Variants in BNC2 observed in about 807,000 individuals in gnomAD.
The protein encoded by BNC2 is basonuclin zinc finger protein 2, also known as zinc finger protein basonuclin-2.
BNC2 carries 20 observed loss-of-function variants against 76.3 expected under a neutral mutation model. That is an observed-to-expected ratio of 0.26 (90% confidence interval 0.18 to 0.38). The LOEUF (loss-of-function observed/expected upper bound fraction) is 0.38, where lower values mean the gene tolerates loss of function less well. BNC2 is among the 10% of genes least tolerant of loss of function. The pLI, the probability that BNC2 is intolerant of heterozygous loss-of-function variation, is 1.00. For missense variants in BNC2, 1,382 were observed against 1,399.8 expected, an observed-to-expected ratio of 0.99 and a Z score of 0.20; for synonymous variants, 582 against 514.8, an observed-to-expected ratio of 1.13 and a Z score of -1.77.
intron 5 of BNC2, among the ~76,000 whole-genome samples, chr9:16,450,085 C>G (rs1821309944): frequency 1.3e-5 from 2 of 152,164 alleles, no homozygotes; most frequent in Admixed American, 1.3e-4. Context: ...GTAATAAAGG[C>G]CACAGGCTAA....
chr9:16,458,523 C>A (rs1391659890), intron 5 of BNC2, among the ~76,000 whole-genome samples: 2 of 152,178 alleles, frequency 1.3e-5, no homozygotes, highest in African/African-American at 2.4e-5. Flanking sequence ...ATATACCCTA[C>A]TTATTTATAG....
chr9:16,515,231 G>T (rs1474361871), intron 5 of BNC2, among the ~76,000 whole-genome samples: 2 of 152,226 alleles, frequency 1.3e-5, no homozygotes, highest in East Asian at 1.9e-4. Flanking sequence ...ATAGTCTGTG[G>T]CTGTCAGTGT....
At chr9:16,614,220 A>G (rs1193672585) in intron 3 of BNC2, among the ~76,000 whole-genome samples, 1 of 152,222 alleles carries the variant, frequency 6.6e-6, no homozygotes, top group African/African-American at 2.4e-5. Context: ...TCTACGGAAG[A>G]ACTTCTAGTA....
At chr9:16,561,142 G>A (rs1416549943) in intron 4 of BNC2, among the ~76,000 whole-genome samples, 1 of 151,894 alleles carries the variant, frequency 6.6e-6, no homozygotes, top group Non-Finnish European at 1.5e-5. Flanking sequence ...AGGAGGCTGA[G>A]ATAGGAGAAT....
At chr9:16,583,811 T>C (rs1238183502) in intron 3 of BNC2, among the ~76,000 whole-genome samples, 1 of 152,204 alleles carries the variant, frequency 6.6e-6, no homozygotes, top group Admixed American at 6.5e-5. Flanking sequence ...TATGTGAATA[T>C]TTTATATCTG....
At chr9:16,861,867 T>C (rs1031926245) in intron 1 of BNC2, among the ~76,000 whole-genome samples, 17 of 152,010 alleles carry the variant, frequency 1.1e-4, no homozygotes, top group African/African-American at 4.1e-4. Context: ...CGGGCGCCTG[T>C]AGTCCCAGCT....
intron 6 of BNC2, among the ~76,000 whole-genome samples, chr9:16,428,499 A>G (rs549521906): frequency 6.6e-6 from 1 of 152,328 alleles, no homozygotes; most frequent in East Asian, 1.9e-4. Flanking sequence ...GTCTTTTGAT[A>G]TTCTTATTTA....
At chr9:16,740,850 GA>G (rs200059094) in intron 1 of BNC2, among the ~76,000 whole-genome samples, 1 of 150,248 alleles carries the variant, frequency 6.7e-6, no homozygotes, top group Admixed American at 6.6e-5. Context: ...CCTGGAGGGA[GA>G]AAAAAGAAAC....
chr9:16,858,326 G>A (rs969048199), intron 1 of BNC2, among the ~76,000 whole-genome samples: 3 of 152,138 alleles, frequency 2.0e-5, no homozygotes, highest in African/African-American at 7.2e-5. Flanking sequence ...AAACATCAAA[G>A]TAAAACCAGG....
intron 3 of BNC2, among the ~76,000 whole-genome samples, chr9:16,687,318 C>A (rs183692729): frequency 6.6e-6 from 1 of 152,144 alleles, no homozygotes; most frequent in Non-Finnish European, 1.5e-5. Context: ...AGGCGCTAAC[C>A]GAAATCAAGA....
At chr9:16,435,161 G>A in intron 6 of BNC2, 1 of 422,546 alleles carries the variant, frequency 2.4e-6, no homozygotes, top group Non-Finnish European at 4.8e-6. Flanking sequence ...AAGCCACATG[G>A]CAAAGCAGAA....
chr9:16,543,631 A>T (rs1454183620), intron 5 of BNC2, among the ~76,000 whole-genome samples: 1 of 152,136 alleles, frequency 6.6e-6, no homozygotes, highest in African/African-American at 2.4e-5. Flanking sequence ...TAAAGGGAGG[A>T]ATATTTTCAT....
intron 5 of BNC2, among the ~76,000 whole-genome samples, chr9:16,524,852 TC>T (rs1282061673): frequency 6.6e-6 from 1 of 152,124 alleles, no homozygotes; most frequent in East Asian, 1.9e-4. Flanking sequence ...GGCAGGAAGA[TC>T]ATTTGAGGCC....
chr9:16,865,387 T>A (rs900097068), intron 1 of BNC2, among the ~76,000 whole-genome samples: 5 of 152,164 alleles, frequency 3.3e-5, no homozygotes, highest in Admixed American at 2.0e-4. Flanking sequence ...GAACGTAATT[T>A]GTTACAAATA....
chr9:16,674,991 A>G (rs1192406927), intron 3 of BNC2, among the ~76,000 whole-genome samples: 6 of 152,210 alleles, frequency 3.9e-5, no homozygotes, highest in Admixed American at 3.9e-4. Context: ...ACTAACTGAC[A>G]CTAGAAAAGT....
chr9:16,609,903 T>C (rs755282097), intron 3 of BNC2, among the ~76,000 whole-genome samples: 12 of 152,152 alleles, frequency 7.9e-5, no homozygotes, highest in Non-Finnish European at 1.3e-4. Flanking sequence ...TTTGACTGAA[T>C]TGACAATAGA....
At chr9:16,509,185 A>G (rs1822698526) in intron 5 of BNC2, among the ~76,000 whole-genome samples, 1 of 152,156 alleles carries the variant, frequency 6.6e-6, no homozygotes, top group Admixed American at 6.6e-5. Context: ...CAACTTTGAT[A>G]TCTAGGCACA....
At chr9:16,495,962 G>C (rs1156555360) in intron 5 of BNC2, among the ~76,000 whole-genome samples, 1 of 148,588 alleles carries the variant, frequency 6.7e-6, no homozygotes, top group African/African-American at 2.5e-5. Context: ...AGGCTGAAAT[G>C]CAATGGTGTG....
At chr9:16,746,113 A>C (rs1824993485) in intron 1 of BNC2, among the ~76,000 whole-genome samples, 2 of 152,154 alleles carry the variant, frequency 1.3e-5, no homozygotes, top group African/African-American at 4.8e-5. Flanking sequence ...CTGGTAGCAA[A>C]GCCTGGACCA....
Sources: gnomAD v4.1 joint callset for allele counts (sites outside exome capture counted in the v4.1 genomes callset) on GRCh38, gnomAD v4.1.1 for gene constraint, MANE v1.5 for transcripts, NCBI Gene and HGNC (gene_info 2026-07-23, HGNC 2026-07-21) for gene names.